The following ADGRL3 variants were observed in gnomAD, a reference collection of about 807,000 sequenced individuals.
ADGRL3 encodes calcium-independent alpha-latrotoxin receptor 3.
In ADGRL3, 62 loss-of-function variants were observed where a neutral mutation model predicts 153.5. That is an observed-to-expected ratio of 0.40 (90% CI 0.33 to 0.50). The LOEUF is 0.50. Among genes scored for constraint, ADGRL3 ranks in the 20% least tolerant of loss-of-function variants. ADGRL3 has a pLI of 0.47. For synonymous variants in ADGRL3, 710 were observed against 672.5 expected (o/e 1.06, Z -0.86); for missense variants, 1,641 against 1,859.4 (o/e 0.88, Z 2.16).
At chr4:61,387,147 C>T (rs2151960888) in intron 2 of ADGRL3, among the ~76,000 whole-genome samples, 1 of 152,134 alleles carries the variant, frequency 6.6e-6, no homozygotes, top group African/African-American at 2.4e-5. Context: ...CCCGTGATAC[C>T]CTACAAGCCA....
At chr4:61,385,910 T>C (rs1269655645) in intron 2 of ADGRL3, 6 of 152,154 alleles carry the variant, frequency 3.9e-5, no homozygotes, top group African/African-American at 4.8e-5. Flanking sequence ...TGTGTGTGTG[T>C]ATGTGTATGT....
At chr4:62,068,365 A>T (rs559449270) in intron 26 of ADGRL3, 182 bp downstream of exon 26, 1 of 410,076 alleles carries the variant, frequency 2.4e-6, no homozygotes, top group African/African-American at 2.1e-5. Flanking sequence ...TTGTTGTCTG[A>T]TTCTTTTATT....
At chr4:61,557,271 C>T (rs1425627982) in intron 4 of ADGRL3, among the ~76,000 whole-genome samples, 1 of 152,032 alleles carries the variant, frequency 6.6e-6, no homozygotes, top group Non-Finnish European at 1.5e-5. Flanking sequence ...TGATTCTTCA[C>T]AGAAATACAC....
intron 2 of ADGRL3, among the ~76,000 whole-genome samples, chr4:61,496,546 G>T (rs2098318783): frequency 6.6e-6 from 1 of 152,046 alleles, no homozygotes; most frequent in Non-Finnish European, 1.5e-5. Flanking sequence ...GGAGGCTGAG[G>T]CAGGAGAATC....
intron 8 of ADGRL3, among the ~76,000 whole-genome samples, chr4:61,782,616 C>A (rs2097226908): frequency 6.6e-6 from 1 of 152,096 alleles, no homozygotes. Flanking sequence ...AGTCACATAC[C>A]AAGGACACTG....
intron 9 of ADGRL3, among the ~76,000 whole-genome samples, chr4:61,825,732 T>A (rs2097794287): frequency 6.6e-6 from 1 of 152,200 alleles, no homozygotes; most frequent in Admixed American, 6.5e-5. Flanking sequence ...AATTCTGAAA[T>A]TATAGGGTAA....
intron 11 of ADGRL3, among the ~76,000 whole-genome samples, chr4:61,903,005 A>C (rs769698359): frequency 6.6e-6 from 1 of 152,218 alleles, no homozygotes; most frequent in Non-Finnish European, 1.5e-5. Context: ...ATGAATATGT[A>C]GGCTGAATGA....
At chr4:61,607,889 G>C (rs943586162) in intron 5 of ADGRL3, among the ~76,000 whole-genome samples, 1 of 152,162 alleles carries the variant, frequency 6.6e-6, no homozygotes, top group Non-Finnish European at 1.5e-5. Context: ...TTCCTCCTGT[G>C]GTTAGGGTTA....
At chr4:61,333,337 T>TG (rs1023682324) in intron 1 of ADGRL3, among the ~76,000 whole-genome samples, 7 of 152,092 alleles carry the variant, frequency 4.6e-5, no homozygotes, top group African/African-American at 1.7e-4. Flanking sequence ...TATAAACTAA[T>TG]GGGGTTCTGT....
intron 2 of ADGRL3, among the ~76,000 whole-genome samples, chr4:61,414,186 C>G (rs1286798907): frequency 6.6e-6 from 1 of 152,138 alleles, no homozygotes; most frequent in Admixed American, 6.5e-5. Context: ...GCATTACATG[C>G]AGATGGCAGC....
intron 2 of ADGRL3, among the ~76,000 whole-genome samples, chr4:61,458,679 A>C (rs981213860): frequency 5.9e-5 from 9 of 151,648 alleles, no homozygotes; most frequent in African/African-American, 1.9e-4. Context: ...TACCTTATCA[A>C]ATTAATCAAC....
intron 5 of ADGRL3, among the ~76,000 whole-genome samples, chr4:61,622,300 A>G (rs2092571990): frequency 2.6e-5 from 4 of 152,168 alleles, no homozygotes; most frequent in African/African-American, 9.7e-5. Flanking sequence ...GCTAATTAAT[A>G]CCAATATTGA....
chr4:61,702,113 A>G (rs1427753096), intron 6 of ADGRL3, among the ~76,000 whole-genome samples: 2 of 152,256 alleles, frequency 1.3e-5, no homozygotes, highest in South Asian at 2.1e-4. Context: ...GGGGATTTAG[A>G]TATGTAAAGG....
chr4:61,213,746 T>C (rs1206021775), intron 1 of ADGRL3, among the ~76,000 whole-genome samples: 1 of 152,200 alleles, frequency 6.6e-6, no homozygotes, highest in African/African-American at 2.4e-5. Context: ...AATGTAGACA[T>C]ACTATGATTT....
intron 14 of ADGRL3, 112 bp from the exon 15 acceptor site, chr4:61,935,811 A>C: frequency 1.0e-6 from 1 of 967,650 alleles, no homozygotes; most frequent in Non-Finnish European, 1.5e-6. Context: ...AGCATGACAA[A>C]TAGAATAAGA....
Position 61,924,404 on chromosome 4 carries a change from T to C in ADGRL3, c.2113-10436T>C, listed in dbSNP as rs185005893. Among the ~76,000 whole-genome samples the C allele has an allele frequency of 2.8e-3, 423 of 152,320 alleles. 1 individual carries two copies. The highest frequency in any genetic ancestry group is 6.3e-3 in the Admixed American group (96 of 15,296). ...TGATCTCATTGATTTAAATACCACC[T>C]ATATGTCTATGACCTACAAATATTA... is the stretch of plus-strand genomic sequence containing the variant. On this transcript the variant is annotated intron_variant, in intron 13 of 26. Coordinates refer to ENST00000683033, the MANE Select transcript of ADGRL3 (RefSeq NM_001387552.1).
intron 17 of ADGRL3, among the ~76,000 whole-genome samples, chr4:61,966,815 G>A (rs1027333319): frequency 7.2e-5 from 11 of 152,046 alleles, no homozygotes; most frequent in African/African-American, 2.7e-4. Context: ...CTATGACTGG[G>A]TTATGTCCTC....
chr4:61,811,103 A>G (rs2097611171), intron 8 of ADGRL3, among the ~76,000 whole-genome samples: 1 of 152,254 alleles, frequency 6.6e-6, no homozygotes, highest in South Asian at 2.1e-4. Flanking sequence ...GTTTACCCAT[A>G]ACATTACCAT....
intron 1 of ADGRL3, among the ~76,000 whole-genome samples, chr4:61,361,322 C>T (rs2096278655): frequency 6.6e-6 from 1 of 152,098 alleles, no homozygotes; most frequent in South Asian, 2.1e-4. Context: ...AGAAAAATAA[C>T]AGCATCATGA....
Sources: allele counts gnomAD v4.1 joint callset (sites outside exome capture counted in the v4.1 genomes callset), GRCh38; gene constraint gnomAD v4.1.1; transcripts MANE v1.5; gene names NCBI Gene and HGNC (gene_info 2026-07-23, HGNC 2026-07-21).